Variants in EML4 observed in about 807,000 individuals in gnomAD.
EML4 encodes echinoderm microtubule-associated protein-like 4.
In EML4, 72 loss-of-function variants were observed where a neutral mutation model predicts 129.0. The ratio of observed to expected loss-of-function variants is 0.56; its 90% CI spans 0.46 to 0.68. The LOEUF is 0.68. EML4 is among the 30% of genes least tolerant of loss of function. The pLI, the probability that EML4 is intolerant of heterozygous loss-of-function variation, is 0.00. For missense variants in EML4, 1,363 were observed against 1,190.6 expected (o/e 1.14, Z -2.13); for synonymous variants, 532 against 405.0 (o/e 1.31, Z -3.77).
In EML4 at chr2:42,288,266, G is replaced by A; in HGVS notation, c.1162G>A (p.Glu388Lys). Reference protein sequence around the residue: ...VHLCIIDDSNEHMLTVWDWQK... With the variant: ...VHLCIIDDSNKHMLTVWDWQK... ...TTTATGTATTATTGATGACTCCAAT[G>A]AGCATATGCTTACTGTATGGGACTG... Residue 388 changes from glutamate (E) to lysine (K), a missense_variant, in exon 11 of 23, where the codon GAG becomes AAG. Glu to Lys is a moderately conservative substitution (Grantham distance 56). Coordinates refer to ENST00000318522, the MANE Select transcript of EML4 (RefSeq NM_019063.5). The A allele has an allele frequency of 6.4e-7, 1 of 1,572,040 alleles. No individual in the cohort carries two copies. Among genetic ancestry groups the A allele is most frequent in the Non-Finnish European group, 8.7e-7 (1 of 1,148,078 alleles).
At chr2:42,293,901 G>A (rs1327011010) in intron 11 of EML4, among the ~76,000 whole-genome samples, 3 of 152,198 alleles carry the variant, frequency 2.0e-5, no homozygotes, top group Non-Finnish European at 4.4e-5. Context: ...GAGCCACCAC[G>A]CCCGGCCCAT....
At chr2:42,170,932 G>A (rs1670236156) in intron 1 of EML4, among the ~76,000 whole-genome samples, 1 of 152,216 alleles carries the variant, frequency 6.6e-6, no homozygotes, top group African/African-American at 2.4e-5. Flanking sequence ...GCCTATTATA[G>A]ATATTAAATA....
intron 1 of EML4, among the ~76,000 whole-genome samples, chr2:42,232,007 T>C (rs1674377563): frequency 6.6e-6 from 1 of 152,214 alleles, no homozygotes; most frequent in Non-Finnish European, 1.5e-5. Context: ...CAGTAATTTT[T>C]TTTTTAAATT....
At chr2:42,253,038 G>A (rs1675883556) in intron 2 of EML4, among the ~76,000 whole-genome samples, 1 of 152,154 alleles carries the variant, frequency 6.6e-6, no homozygotes, top group Non-Finnish European at 1.5e-5. Flanking sequence ...TTTGATTGGT[G>A]CATGGATGAT....
rs17029365 is a variant in EML4 at position 42,231,375 on chromosome 2, C to A, written c.26-14130C>A. 8.1e-3 allele frequency among the ~76,000 whole-genome samples: 1,227 copies of A among 152,278 alleles called. 43 individuals are homozygous for A. The East Asian group carries it at 0.094, about 12-fold the overall frequency. On this transcript the variant is annotated intron_variant, in intron 1 of 22. Coordinates refer to ENST00000318522, the MANE Select transcript of EML4 (RefSeq NM_019063.5). ...AGTTATCAGATATGTCCTAATAAAG[C>A]TCCGAAGTGTAATCTCTAATTCAGG...
At chr2:42,177,667 T>C (rs1053080947) in intron 1 of EML4, among the ~76,000 whole-genome samples, 1 of 152,180 alleles carries the variant, frequency 6.6e-6, no homozygotes, top group Non-Finnish European at 1.5e-5. Context: ...TTCTTATTTC[T>C]CATTTCACCT....
intron 6 of EML4, among the ~76,000 whole-genome samples, chr2:42,272,123 C>G (rs997072669): frequency 1.3e-5 from 2 of 148,380 alleles, no homozygotes; most frequent in African/African-American, 4.9e-5. Flanking sequence ...CAGTTATATT[C>G]TATACTGTAT....
intron 1 of EML4, among the ~76,000 whole-genome samples, chr2:42,228,514 A>C (rs1430690051): frequency 6.6e-6 from 1 of 152,206 alleles, no homozygotes. Context: ...TATCATTTGG[A>C]ATATAGCTGT....
chr2:42,223,618 CAA>C (rs1168990014), intron 1 of EML4, among the ~76,000 whole-genome samples: 3 of 152,070 alleles, frequency 2.0e-5, no homozygotes, highest in African/African-American at 7.2e-5. Flanking sequence ...TTCCCCATGA[CAA>C]GAGTACAATG....
intron 1 of EML4, among the ~76,000 whole-genome samples, chr2:42,204,710 A>G (rs1672436255): frequency 6.6e-6 from 1 of 152,234 alleles, no homozygotes; most frequent in Non-Finnish European, 1.5e-5. Flanking sequence ...TGTGCCAACA[A>G]CTACTGAATG....
chr2:42,197,954 C>G (rs746309523), intron 1 of EML4, among the ~76,000 whole-genome samples: 2 of 152,156 alleles, frequency 1.3e-5, no homozygotes, highest in African/African-American at 2.4e-5. Flanking sequence ...GTCACAGTGC[C>G]TACGTGTACA....
At chr2:42,206,239 G>T (rs776347586) in intron 1 of EML4, among the ~76,000 whole-genome samples, 151 of 152,104 alleles carry the variant, frequency 9.9e-4, no homozygotes, top group Non-Finnish European at 2.9e-4. Flanking sequence ...TTAGAGACAG[G>T]GTCTCACTCT....
chr2:42,319,446 T>TA (rs1669408025), intron 19 of EML4: 1 of 152,246 alleles, frequency 6.6e-6, no homozygotes, highest in African/African-American at 2.4e-5. Context: ...TAGGAACTGT[T>TA]AAAAGTTTGC....
At chr2:42,307,596 T>C (rs1668683699) in intron 17 of EML4, among the ~76,000 whole-genome samples, 1 of 152,224 alleles carries the variant, frequency 6.6e-6, no homozygotes. Flanking sequence ...TCTATTACTA[T>C]CACTGACCCT....
chr2:42,245,666 A>G lies in EML4; in HGVS notation c.187A>G (p.Lys63Glu), dbSNP rs758212635. The G allele has an allele frequency of 6.2e-6, 10 of 1,610,254 alleles. No individual in the cohort carries two copies. The Admixed American group carries it at 1.5e-4, about 24-fold the overall frequency. The change falls in exon 2 of 23, where the codon AAA becomes GAA. Residue 63 changes from lysine to glutamate, a missense_variant. Coordinates refer to ENST00000318522, the MANE Select transcript of EML4 (RefSeq NM_019063.5). The part of the protein sequence containing the change: ...AISEDHVASV[K>E]KSVSSKGQPS... ...CTCTGAAGATCATGTGGCCTCAGTG[A>G]AAAAATCAGTCTCAAGTAAAGGTAA... is the stretch of plus-strand genomic sequence containing the variant.
At chr2:42,191,673 T>C (rs1187704242) in intron 1 of EML4, among the ~76,000 whole-genome samples, 1 of 152,252 alleles carries the variant, frequency 6.6e-6, no homozygotes, top group Non-Finnish European at 1.5e-5. Context: ...TTATTTAATT[T>C]TATGCTCTTT....
chr2:42,194,284 TC>T (rs2103920251), intron 1 of EML4, among the ~76,000 whole-genome samples: 1 of 151,908 alleles, frequency 6.6e-6, no homozygotes, highest in Non-Finnish European at 1.5e-5. Flanking sequence ...ATATTTCTTT[TC>T]TTTTTTTTGT....
intron 1 of EML4, among the ~76,000 whole-genome samples, chr2:42,215,757 G>C (rs1673146833): frequency 6.6e-6 from 1 of 151,990 alleles, no homozygotes; most frequent in African/African-American, 2.4e-5. Flanking sequence ...AAAATATAAA[G>C]AATCTTTATT....
Position 42,295,416 on chromosome 2 carries a change from A to G in EML4, c.1389A>G (p.Ala463=), listed in dbSNP as rs202185553. 38 of 1,613,932 alleles carry G rather than the reference A, an allele frequency of 2.4e-5. No individual in the cohort carries two copies. Among genetic ancestry groups the G allele is most frequent in the Non-Finnish European group, 2.3e-5 (27 of 1,179,956 alleles). The change falls in exon 13 of 23, where the codon GCA becomes GCG. Residue 463 remains alanine (A), a synonymous_variant. Transcript: ENST00000318522. ...YEKPKFVQCL[A]FLGNGDVLTG... ...AGCCAAAATTTGTGCAGTGTTTAGC[A>G]TTCTTGGGGAATGGAGATGTTCTTA...
Sources: gnomAD v4.1 joint callset for allele counts (sites outside exome capture counted in the v4.1 genomes callset) on GRCh38, gnomAD v4.1.1 for gene constraint, MANE v1.5 for transcripts, NCBI Gene and HGNC (gene_info 2026-07-23, HGNC 2026-07-21) for gene names.